TBCK: variants seen among roughly 807,000 people sequenced by gnomAD.
TBCK encodes TBC1 domain containing kinase.
In TBCK, 99 loss-of-function variants were observed where a neutral mutation model predicts 113.4. The observed-to-expected ratio is 0.87, with a 90% confidence interval of 0.74 to 1.03. TBCK has a LOEUF of 1.03. Among genes scored for constraint, TBCK ranks in the 50% least tolerant of loss-of-function variants. The pLI is 0.00. For synonymous variants in TBCK, 369 were observed against 370.8 expected (o/e 1.00, Z 0.05); for missense variants, 1,045 against 1,061.3 (o/e 0.98, Z 0.21).
At chr4:106,083,100 G>A (rs1018275575) in intron 25 of TBCK, among the ~76,000 whole-genome samples, 1 of 152,358 alleles carries the variant, frequency 6.6e-6, no homozygotes, top group South Asian at 2.1e-4. Flanking sequence ...CACTGGCTGC[G>A]GCTACCTGCT....
In TBCK at chr4:106,044,815, A is replaced by C. The variant is rs967531395; in HGVS notation, c.*1755T>G. On this transcript the variant is annotated 3_prime_UTR_variant, in exon 26 of 26. Transcript: ENST00000394708. Reference sequence around the variant, plus strand: ...ATATCTCAATTTAAAAAGTAGATGCAAAGAAAAAATAAAATAAAGTAAACA... The same window carrying C: ...ATATCTCAATTTAAAAAGTAGATGCCAAGAAAAAATAAAATAAAGTAAACA... 6.6e-6 allele frequency: 1 copy of C among 152,234 alleles called. No individual in the cohort carries two copies. The highest frequency in any genetic ancestry group is 2.4e-5 in the African/African-American group (1 of 41,456). The allele number at this position is 152,234 out of a possible 1,614,324, so 9.4% of individuals were successfully genotyped here.
chr4:106,180,692 TC>T (rs1752254361), intron 22 of TBCK, among the ~76,000 whole-genome samples: 5 of 152,272 alleles, frequency 3.3e-5, no homozygotes, highest in Middle Eastern at 3.4e-3. Flanking sequence ...TTCATCCATG[TC>T]CCTGCAAAGG....
In TBCK at chr4:106,046,690, A is replaced by G; in HGVS notation, c.2572-10T>C. 1 of 1,508,692 alleles carries G rather than the reference A, an allele frequency of 6.6e-7. No homozygotes were observed. The highest frequency in any genetic ancestry group is 9.2e-7 in the Non-Finnish European group (1 of 1,089,382). 93.5% of individuals were successfully genotyped at this position (1,508,692 alleles called of 1,614,324 possible). A position where few individuals can be genotyped will look rare whatever the true frequency, so the allele number is the denominator to read the frequency against. On this transcript the variant is annotated splice_polypyrimidine_tract_variant and intron_variant, in intron 25 of 25. Transcript: ENST00000394708. ...CAAGGTGAGCTGCAAACTGGAAAAA[A>G]AAAGAGGCAAAATTTTTAGAGGATA... is the stretch of plus-strand genomic sequence containing the variant.
At chr4:106,227,100 T>C (rs1363052568) in intron 19 of TBCK, among the ~76,000 whole-genome samples, 1 of 152,060 alleles carries the variant, frequency 6.6e-6, no homozygotes, top group Admixed American at 6.5e-5. Context: ...TTTATACAAG[T>C]CCACACTGTA....
chr4:106,248,516 T>C (rs1761084225), intron 8 of TBCK, among the ~76,000 whole-genome samples: 1 of 152,156 alleles, frequency 6.6e-6, no homozygotes, highest in South Asian at 2.1e-4. Flanking sequence ...GTGTGTAAAA[T>C]AAATTTTCAT....
chr4:106,260,095 A>T (rs1011715693), intron 5 of TBCK, among the ~76,000 whole-genome samples: 1 of 151,938 alleles, frequency 6.6e-6, no homozygotes, highest in African/African-American at 2.4e-5. Context: ...CAGTCTCTTG[A>T]TGCACACACA....
chr4:106,084,140 G>A (rs1221182299), intron 25 of TBCK, among the ~76,000 whole-genome samples: 3 of 152,252 alleles, frequency 2.0e-5, no homozygotes, highest in East Asian at 3.9e-4. Flanking sequence ...AAACTATGAC[G>A]AGGTAAAGGA....
chr4:106,190,527 T>G (rs1419544411), intron 22 of TBCK, among the ~76,000 whole-genome samples: 1 of 152,202 alleles, frequency 6.6e-6, no homozygotes, highest in East Asian at 1.9e-4. Flanking sequence ...TAGCTAAAAC[T>G]TCACAATTAC....
chr4:106,058,091 T>C (rs1300534729), intron 25 of TBCK, among the ~76,000 whole-genome samples: 2 of 151,798 alleles, frequency 1.3e-5, no homozygotes, highest in Non-Finnish European at 2.9e-5. Flanking sequence ...CTATCAAATA[T>C]TTATTGAGTG....
rs140262702 is a variant in TBCK at position 106,272,048 on chromosome 4, C to A, written c.267-9836G>T. On this transcript the variant is annotated intron_variant, in intron 3 of 25. Coordinates refer to ENST00000394708, the MANE Select transcript of TBCK (RefSeq NM_001163435.3). ...TGAACCACACTTTGAGAACCGCTGTCGTAGAAGGCGAATATAAATGAACCT... is the reference window on the plus strand; with the variant it reads ...TGAACCACACTTTGAGAACCGCTGTAGTAGAAGGCGAATATAAATGAACCT... 1.2e-3 allele frequency among the ~76,000 whole-genome samples: 186 copies of A among 152,108 alleles called. 5 individuals carry two copies. In the East Asian group the frequency reaches 0.033, roughly 27 times the overall value.
intron 23 of TBCK, among the ~76,000 whole-genome samples, chr4:106,146,819 T>C (rs185860749): frequency 1.8e-4 from 28 of 152,318 alleles, no homozygotes; most frequent in Non-Finnish European, 3.5e-4. Flanking sequence ...AAAAGATTTC[T>C]CTGTAGCATG....
At chr4:106,184,235 C>A (rs940610493) in intron 22 of TBCK, among the ~76,000 whole-genome samples, 37 of 152,016 alleles carry the variant, frequency 2.4e-4, no homozygotes, top group African/African-American at 8.7e-4. Context: ...TTTGTCAGTA[C>A]CATGCTCACT....
At chr4:106,186,046 T>C (rs1344894434) in intron 22 of TBCK, among the ~76,000 whole-genome samples, 9 of 152,198 alleles carry the variant, frequency 5.9e-5, no homozygotes, top group Admixed American at 3.3e-4. Flanking sequence ...TCCATATTGC[T>C]GCAAAGGGCA....
chr4:106,081,470 C>T (rs937822092), intron 25 of TBCK, among the ~76,000 whole-genome samples: 1 of 152,192 alleles, frequency 6.6e-6, no homozygotes, highest in African/African-American at 2.4e-5. Context: ...ACGATGGGAA[C>T]ACACGGCCAC....
At chr4:106,121,699 TAGA>T (rs1402004328) in intron 23 of TBCK, among the ~76,000 whole-genome samples, 1 of 152,244 alleles carries the variant, frequency 6.6e-6, no homozygotes, top group Admixed American at 6.5e-5. Flanking sequence ...GCAATCAAAC[TAGA>T]ACTCAGGATT....
chr4:106,215,687 T>C (rs368281679), intron 19 of TBCK, among the ~76,000 whole-genome samples: 18 of 151,808 alleles, frequency 1.2e-4, no homozygotes, highest in South Asian at 6.3e-4. Context: ...ATATATGCAC[T>C]CAATACAGGA....
chr4:106,043,996 T>C lies in TBCK; in HGVS notation c.*2574A>G, dbSNP rs1734006380. 6.6e-6 allele frequency: 1 copy of C among 152,206 alleles called. No individual in the cohort carries two copies. The highest frequency in any genetic ancestry group is 1.5e-5 in the Non-Finnish European group (1 of 68,038). 9.4% of individuals were successfully genotyped at this position (152,206 alleles called of 1,614,324 possible). On this transcript the variant is annotated 3_prime_UTR_variant, in exon 26 of 26. Coordinates refer to ENST00000394708, the MANE Select transcript of TBCK (RefSeq NM_001163435.3). ...GTGATAGTGTGCTCTTACTTTACTGTTGAGAATATTAAATATTATAATTTT... is the reference window on the plus strand; with the variant it reads ...GTGATAGTGTGCTCTTACTTTACTGCTGAGAATATTAAATATTATAATTTT...
intron 19 of TBCK, among the ~76,000 whole-genome samples, chr4:106,220,153 T>C (rs112836630): frequency 0.027 from 4,102 of 152,298 alleles, 179 homozygotes; most frequent in African/African-American, 0.094. Context: ...TCAACTTGAA[T>C]TGTATCTTCC....
At chr4:106,055,056 C>A (rs893903805) in intron 25 of TBCK, among the ~76,000 whole-genome samples, 2 of 149,862 alleles carry the variant, frequency 1.3e-5, no homozygotes, top group Non-Finnish European at 3.0e-5. Context: ...TATATCCACC[C>A]ATGATAGACA....
Sources: allele counts gnomAD v4.1 joint callset (sites outside exome capture counted in the v4.1 genomes callset), GRCh38; gene constraint gnomAD v4.1.1; transcripts MANE v1.5; gene names NCBI Gene and HGNC (gene_info 2026-07-23, HGNC 2026-07-21).